The following PET100 variants were observed in gnomAD, a reference collection of about 807,000 sequenced individuals.
The protein encoded by PET100 is protein PET100 homolog, mitochondrial.
A neutral mutation model predicts 13.6 loss-of-function variants in PET100; 13 were observed. The ratio of observed to expected loss-of-function variants is 0.96; its 90% CI spans 0.62 to 1.52. PET100 has a LOEUF of 1.52. Among genes scored for constraint, PET100 ranks in the 40% most tolerant of loss-of-function variants. The probability of loss-of-function intolerance (pLI) is 0.00; values close to 1 mark genes in which losing one functional copy is unlikely to be tolerated. For missense variants in PET100, 94 were observed against 95.3 expected, an observed-to-expected ratio of 0.99 and a Z score of 0.06; for synonymous variants, 28 against 30.8, an observed-to-expected ratio of 0.91 and a Z score of 0.30.
In PET100 at chr19:7,631,829, G is replaced by A; in HGVS notation, c.*273G>A. ...CCGTCCTGTGGATGAAGAGGGGTCAGCCAGGGGGAGGGCTCAAGGGCAGTG... is the reference window on the plus strand; with the variant it reads ...CCGTCCTGTGGATGAAGAGGGGTCAACCAGGGGGAGGGCTCAAGGGCAGTG... On this transcript the variant is annotated 3_prime_UTR_variant, in exon 4 of 4. Transcript: ENST00000594797. 1 of 1,384,806 alleles carries A rather than the reference G, an allele frequency of 7.2e-7. No homozygotes were observed. The highest frequency in any genetic ancestry group is 9.4e-7 in the Non-Finnish European group (1 of 1,063,388). The allele number at this position is 1,384,806 out of a possible 1,614,324, so 85.8% of individuals were successfully genotyped here.
intron 1 of PET100, chr19:7,630,253 C>G: frequency 2.2e-6 from 1 of 456,866 alleles, no homozygotes; most frequent in African/African-American, 2.0e-5. Flanking sequence ...TTTGGGGGTG[C>G]TCCCGGGATC....
chr19:7,631,030 G>A (rs991001602), intron 3 of PET100, 184 bp downstream of exon 3: 116 of 810,124 alleles, frequency 1.4e-4, no homozygotes, highest in Admixed American at 1.3e-3. Flanking sequence ...CCAACATGGC[G>A]AAACCCCATG....
rs184325854 is a variant in PET100 at position 7,630,619 on chromosome 19, A to T, written c.74A>T (p.Asn25Ile). Residue 25 changes from asparagine (N) to isoleucine (I), a missense_variant, in exon 2 of 4, where the codon AAT becomes ATT. Physicochemically the swap from Asn to Ile is moderately radical, Grantham distance 149. Coordinates refer to ENST00000594797, the MANE Select transcript of PET100 (RefSeq NM_001171155.2). ...CCTGTGGCTATGTTCTGGGTTTCCA[A>T]TCAGGCCGAGTGGTTTGAGGACGAT... The part of the protein sequence containing the change: ...TFPVAMFWVS[N>I]QAEWFEDDVI... 1 of 1,537,208 alleles carries T rather than the reference A, an allele frequency of 6.5e-7. No homozygotes were observed. The highest frequency in any genetic ancestry group is 2.4e-5 in the East Asian group (1 of 40,906).
At chr19:7,631,407 G>C (rs898779100) in intron 3 of PET100, 66 bp from the exon 4 acceptor site, 2 of 863,436 alleles carry the variant, frequency 2.3e-6, no homozygotes, top group African/African-American at 1.8e-5. Context: ...GGCGGGGGGG[G>C]GTGGTCCCGG....
intron 1 of PET100, 77 bp downstream of exon 1, chr19:7,629,937 G>A (rs2031236803): frequency 1.4e-6 from 2 of 1,410,916 alleles, no homozygotes; most frequent in Non-Finnish European, 9.3e-7. Context: ...GGAAATGGGG[G>A]GACTTCAAAG....
intron 3 of PET100, 64 bp from the exon 4 acceptor site, chr19:7,631,409 T>TGTGGGGGGGGGGGGGGGGGGGG: frequency 3.1e-6 from 2 of 638,364 alleles, no homozygotes; most frequent in Non-Finnish European, 4.3e-6. Context: ...CGGGGGGGGG[T>TGTGGGGGGGGGGGGGGGGGGGG]GGTCCCGGCT....
In PET100 at chr19:7,630,603, A is replaced by G; in HGVS notation, c.58A>G (p.Met20Val). Residue 20 changes from methionine to valine, a missense_variant, in exon 2 of 4, where the codon ATG (methionine) becomes GTG (valine). Coordinates refer to ENST00000594797, the MANE Select transcript of PET100 (RefSeq NM_001171155.2). ...AATCTACCTCACTTTCCCTGTGGCT[A>G]TGTTCTGGGTTTCCAATCAGGCCGA... is the stretch of plus-strand genomic sequence containing the variant. Reference protein sequence around the residue: ...MIIYLTFPVAMFWVSNQAEWF... With the variant: ...MIIYLTFPVAVFWVSNQAEWF... 3 of 1,536,940 alleles carry G rather than the reference A, an allele frequency of 2.0e-6. No individual in the cohort carries two copies. The highest frequency in any genetic ancestry group is 1.2e-5 in the South Asian group (1 of 84,038).
Position 7,629,855 on chromosome 19 carries a change from TTTCGGGTCA to T in PET100, c.23_27+4del, listed in dbSNP as rs1399240553. The T allele has an allele frequency of 2.3e-5, 35 of 1,534,644 alleles. No individual in the cohort carries two copies. Among genetic ancestry groups the T allele is most frequent in the Non-Finnish European group, 3.1e-5 (35 of 1,145,840 alleles). ...CGAGATGGGGGTGAAGCTGGAGATA[TTTCGGGTCA>T]GTGGACACAGGAGTGGGTTGGGAGG... is the stretch of plus-strand genomic sequence containing the variant. On this transcript the variant is annotated splice_donor_variant and splice_donor_region_variant and coding_sequence_variant and intron_variant, in exon 1 of 4. Transcript: ENST00000594797. LOFTEE classifies it high-confidence loss of function.
intron 1 of PET100, chr19:7,630,275 T>G: frequency 2.1e-6 from 1 of 466,688 alleles, no homozygotes. Context: ...TAAGTGGGGA[T>G]GGGTAATGAG....
intron 1 of PET100, chr19:7,630,246 G>A: frequency 2.2e-6 from 1 of 460,000 alleles, no homozygotes; most frequent in Non-Finnish European, 3.9e-6. Flanking sequence ...TCCTGGGTTT[G>A]GGGGTGCTCC....
In PET100 at chr19:7,631,474, T is replaced by G. The variant is rs1373646048; in HGVS notation, c.140T>G (p.Leu47Arg). 9 of 1,535,818 alleles carry G rather than the reference T, an allele frequency of 5.9e-6. No individual in the cohort carries two copies. Among genetic ancestry groups the G allele is most frequent in the Non-Finnish European group, 6.1e-6 (7 of 1,146,550 alleles). Residue 47 changes from leucine to arginine, a missense_variant and splice_region_variant, in exon 4 of 4, where the codon CTT becomes CGT. Transcript: ENST00000594797. ...RKRELWPPEK[L>R]QEIEEFKERL... is the part of the protein sequence containing the mutation. Reference sequence around the variant, plus strand: ...TCCCACCCGCTTCTCCACCCCTAGCTTCAAGAGATAGAGGAATTCAAAGAG... The same window carrying G: ...TCCCACCCGCTTCTCCACCCCTAGCGTCAAGAGATAGAGGAATTCAAAGAG...
intron 1 of PET100, 109 bp from the exon 2 acceptor site, chr19:7,630,464 C>A: frequency 1.2e-6 from 1 of 855,042 alleles, no homozygotes; most frequent in Non-Finnish European, 1.9e-6. Flanking sequence ...TTGGGTCGGC[C>A]GTAACGAGGC....
intron 1 of PET100, 113 bp from the exon 2 acceptor site, chr19:7,630,460 C>A: frequency 1.2e-6 from 1 of 802,416 alleles, no homozygotes; most frequent in Non-Finnish European, 2.0e-6. Flanking sequence ...ATTCTTGGGT[C>A]GGCCGTAACG....
At position 7,631,640 on chromosome 19, in the gene PET100, C is replaced by T. The variant is rs1133019; in HGVS notation, c.*84C>T. 12 of 1,455,526 alleles carry T rather than the reference C, an allele frequency of 8.2e-6. No homozygotes were observed. The South Asian group carries it at 1.3e-4, about 15-fold the overall frequency. 90.2% of individuals were successfully genotyped at this position (1,455,526 alleles called of 1,614,324 possible). On this transcript the variant is annotated 3_prime_UTR_variant, in exon 4 of 4. Transcript: ENST00000594797. ...TTGTTATTCATTTAAGTGTTTTATT[C>T]TTTTATCAGTTTTTGGGGGCCGAGT...
chr19:7,630,251 TG>T, intron 1 of PET100: 1 of 453,106 alleles, frequency 2.2e-6, no homozygotes, highest in Non-Finnish European at 3.9e-6. Flanking sequence ...GGTTTGGGGG[TG>T]CTCCCGGGAT....
intron 1 of PET100, 176 bp downstream of exon 1, chr19:7,630,036 G>T (rs1169160585): frequency 1.2e-6 from 1 of 801,986 alleles, no homozygotes; most frequent in East Asian, 3.0e-5. Flanking sequence ...GGGCTGGGGG[G>T]GTTCTCGGAT....
intron 1 of PET100, 179 bp downstream of exon 1, chr19:7,630,039 T>G: frequency 2.1e-5 from 12 of 582,020 alleles, no homozygotes; most frequent in Non-Finnish European, 2.6e-5. Flanking sequence ...CTGGGGGGGT[T>G]CTCGGATTTG....
At position 7,630,604 on chromosome 19, in the gene PET100, T is replaced by C. The variant is rs1235181496; in HGVS notation, c.59T>C (p.Met20Thr). 1 of 1,537,116 alleles carries C rather than the reference T, an allele frequency of 6.5e-7. No individual in the cohort carries two copies. Among genetic ancestry groups the C allele is most frequent in the Non-Finnish European group, 8.7e-7 (1 of 1,146,804 alleles). Residue 20 changes from methionine (M) to threonine (T), a missense_variant, in exon 2 of 4, where the codon ATG becomes ACG. Coordinates refer to ENST00000594797, the MANE Select transcript of PET100 (RefSeq NM_001171155.2). ...MIIYLTFPVA[M>T]FWVSNQAEWF... ...ATCTACCTCACTTTCCCTGTGGCTA[T>C]GTTCTGGGTTTCCAATCAGGCCGAG...
At chr19:7,631,001 G>A (rs1281493109) in intron 3 of PET100, 155 bp downstream of exon 3, 1 of 1,018,808 alleles carries the variant, frequency 9.8e-7, no homozygotes, top group East Asian at 2.6e-5. Context: ...TTGAGGTCAG[G>A]AGTTCAAAAC....
Sources: allele counts gnomAD v4.1 joint callset, GRCh38; gene constraint gnomAD v4.1.1; transcripts MANE v1.5; gene names NCBI Gene and HGNC (gene_info 2026-07-23, HGNC 2026-07-21).